EPHB1: variants seen among roughly 807,000 people sequenced by gnomAD.
The protein encoded by EPHB1 is ephrin type-B receptor 1.
Under a neutral mutation model 94.4 loss-of-function variants are expected in EPHB1, and 30 were observed. The observed-to-expected ratio is 0.32, with a 90% confidence interval of 0.24 to 0.43. The LOEUF (loss-of-function observed/expected upper bound fraction) is 0.43. Ranked by LOEUF, EPHB1 falls within the 20% of genes least tolerant of loss-of-function variation. The pLI is 1.00. For synonymous variants in EPHB1, 522 were observed against 489.1 expected (o/e 1.07, Z -0.89); for missense variants, 1,055 against 1,308.3 (o/e 0.81, Z 2.99).
chr3:134,922,540 T>C (rs942357561), intron 1 of EPHB1, among the ~76,000 whole-genome samples: 1 of 152,242 alleles, frequency 6.6e-6, no homozygotes, highest in African/African-American at 2.4e-5. Flanking sequence ...AGTCTTGGGC[T>C]GTATTTATGG....
chr3:135,024,365 C>T (rs1412986297), intron 3 of EPHB1, among the ~76,000 whole-genome samples: 1 of 152,200 alleles, frequency 6.6e-6, no homozygotes, highest in Non-Finnish European at 1.5e-5. Context: ...TCTAGTGTTG[C>T]TCTAGTTGTG....
At chr3:134,831,735 C>T (rs938380) in intron 1 of EPHB1, among the ~76,000 whole-genome samples, 23,144 of 152,152 alleles carry the variant, frequency 0.15, 1,980 homozygotes, top group South Asian at 0.41. Flanking sequence ...AGCTTTTTGT[C>T]CCGTTTTATA....
At chr3:134,821,304 G>A (rs566174725) in intron 1 of EPHB1, among the ~76,000 whole-genome samples, 1 of 152,156 alleles carries the variant, frequency 6.6e-6, no homozygotes, top group South Asian at 2.1e-4. Flanking sequence ...AGCACACAGG[G>A]TAATGTTTGG....
chr3:135,257,667 T>G (rs1480648623), intron 15 of EPHB1, among the ~76,000 whole-genome samples: 1 of 149,886 alleles, frequency 6.7e-6, no homozygotes, highest in Admixed American at 6.6e-5. Flanking sequence ...ACTGCTGTCT[T>G]TTTGTTTGTC....
Position 134,795,692 on chromosome 3 carries a change from A to G in EPHB1, c.58+3A>G. On this transcript the variant is annotated splice_donor_region_variant and intron_variant, in intron 1 of 15. Transcript: ENST00000398015. ...ATCCGCAGTGGCTGCGATGGAAGGT[A>G]ACGTACCCTCCACGGAGCAAGTTGG... 2 of 1,609,300 alleles carry G rather than the reference A, an allele frequency of 1.2e-6. No homozygotes were observed. Among genetic ancestry groups the G allele is most frequent in the South Asian group, 2.2e-5 (2 of 90,576 alleles).
chr3:134,961,520 T>C (rs1933520424), intron 3 of EPHB1, among the ~76,000 whole-genome samples: 1 of 152,210 alleles, frequency 6.6e-6, no homozygotes, highest in African/African-American at 2.4e-5. Flanking sequence ...GAACAGGTAA[T>C]ATATGTGAAA....
chr3:134,951,589 C>T lies in EPHB1; in HGVS notation c.342C>T (p.Tyr114=), dbSNP rs1578224005. The change falls in exon 3 of 16, where the codon TAC becomes TAT. Residue 114 remains tyrosine, a synonymous_variant. Transcript: ENST00000398015. This position sits in a 1 kb window ranked among gnomAD's most constrained non-coding sequence, Gnocchi z 4.5. ...GCAAGGAGACCTTCAACTTGTATTA[C>T]TATGAGACTGACTCTGTCATTGCCA... ...GSCKETFNLY[Y]YETDSVIATK... 1 of 1,614,024 alleles carries T rather than the reference C, an allele frequency of 6.2e-7. No individual in the cohort carries two copies. Among genetic ancestry groups the T allele is most frequent in the South Asian group, 1.1e-5 (1 of 91,078 alleles).
intron 1 of EPHB1, among the ~76,000 whole-genome samples, chr3:134,802,171 T>C (rs546201174): frequency 6.6e-6 from 1 of 151,050 alleles, no homozygotes; most frequent in South Asian, 2.1e-4. Flanking sequence ...GCGCGGTGGC[T>C]CATGCCTGTA....
At chr3:135,071,373 G>A (rs1329111672) in intron 3 of EPHB1, among the ~76,000 whole-genome samples, 1 of 152,182 alleles carries the variant, frequency 6.6e-6, no homozygotes, top group Non-Finnish European at 1.5e-5. Context: ...CTCAAAGGAG[G>A]CAAAGATCAT....
chr3:135,051,679 A>G (rs1937172347), intron 3 of EPHB1, among the ~76,000 whole-genome samples: 1 of 152,258 alleles, frequency 6.6e-6, no homozygotes, highest in African/African-American at 2.4e-5. Context: ...TTGATGAGGC[A>G]ATATGGAAAA....
intron 4 of EPHB1, among the ~76,000 whole-genome samples, chr3:135,129,978 G>A (rs889817939): frequency 7.9e-5 from 12 of 152,154 alleles, no homozygotes; most frequent in Admixed American, 3.3e-4. Context: ...AAGATCCCAC[G>A]GGGGCTTGAA....
chr3:134,895,417 G>C (rs2038069203), intron 1 of EPHB1, among the ~76,000 whole-genome samples: 1 of 152,190 alleles, frequency 6.6e-6, no homozygotes, highest in African/African-American at 2.4e-5. Context: ...AGAGTGAGTG[G>C]CTATCCTTCC....
At chr3:134,859,706 T>C (rs188140104) in intron 1 of EPHB1, among the ~76,000 whole-genome samples, 25 of 152,338 alleles carry the variant, frequency 1.6e-4, no homozygotes, top group Admixed American at 1.4e-3. Flanking sequence ...AGAGCAATCA[T>C]TCATCCAATT....
intron 1 of EPHB1, among the ~76,000 whole-genome samples, chr3:134,856,957 C>T (rs1413898977): frequency 2.0e-5 from 3 of 152,204 alleles, no homozygotes; most frequent in African/African-American, 7.2e-5. Context: ...TCTCACTGAA[C>T]TGTGTGAATC....
intron 1 of EPHB1, among the ~76,000 whole-genome samples, chr3:134,918,554 C>T (rs565894196): frequency 1.3e-5 from 2 of 152,326 alleles, no homozygotes; most frequent in East Asian, 3.9e-4. Context: ...ATCCCCTACC[C>T]AGCAGCTGTT....
intron 4 of EPHB1, among the ~76,000 whole-genome samples, chr3:135,131,101 G>T (rs546475956): frequency 6.6e-6 from 1 of 152,190 alleles, no homozygotes; most frequent in East Asian, 1.9e-4. Context: ...AGAGATGGAT[G>T]TTTATTCCTG....
At chr3:135,220,685 A>T (rs1269340278) in intron 12 of EPHB1, among the ~76,000 whole-genome samples, 1 of 151,468 alleles carries the variant, frequency 6.6e-6, no homozygotes, top group East Asian at 1.9e-4. Flanking sequence ...CAAGGAGCCA[A>T]GCAGTGGGCA....
chr3:134,847,585 C>T lies in EPHB1; in HGVS notation c.58+51896C>T, dbSNP rs2036899652. On this transcript the variant is annotated intron_variant, in intron 1 of 15. Transcript: ENST00000398015. ...CCTAATCAGCCTTGTTTGAAGACCACAGTAAGGTGCTGACTAAGTCTGTTG... is the reference window on the plus strand; with the variant it reads ...CCTAATCAGCCTTGTTTGAAGACCATAGTAAGGTGCTGACTAAGTCTGTTG... 3.9e-5 allele frequency among the ~76,000 whole-genome samples: 6 copies of T among 152,152 alleles called. No individual in the cohort carries two copies. In the South Asian group the frequency reaches 1.2e-3, roughly 32 times the overall value.
At chr3:135,200,716 G>C (rs1484839227) in intron 11 of EPHB1, among the ~76,000 whole-genome samples, 1 of 152,056 alleles carries the variant, frequency 6.6e-6, no homozygotes, top group African/African-American at 2.4e-5. Flanking sequence ...ACACACACAC[G>C]ATTAAAACTT....
Sources: allele counts gnomAD v4.1 joint callset (sites outside exome capture counted in the v4.1 genomes callset), GRCh38; gene constraint gnomAD v4.1.1; non-coding constraint Gnocchi (gnomAD v3.1); transcripts MANE v1.5; gene names NCBI Gene and HGNC (gene_info 2026-07-23, HGNC 2026-07-21).